Variants in DNAH6 observed in about 807,000 individuals in gnomAD.
DNAH6 encodes the protein axonemal beta dynein heavy chain 6.
A neutral mutation model predicts 491.4 loss-of-function variants in DNAH6; 340 were observed. The ratio of observed to expected loss-of-function variants is 0.69; its 90% confidence interval spans 0.63 to 0.76. DNAH6 has a LOEUF of 0.76. Ranked by LOEUF, DNAH6 falls within the 30% of genes least tolerant of loss-of-function variation. DNAH6 has a pLI of 0.00. For missense variants in DNAH6, 4,443 were observed against 4,972.2 expected (o/e 0.89, Z 3.20); for synonymous variants, 1,603 against 1,686.1 (o/e 0.95, Z 1.21).
chr2:84,613,593 T>C (rs1440759096), intron 22 of DNAH6, among the ~76,000 whole-genome samples: 1 of 152,060 alleles, frequency 6.6e-6, no homozygotes, highest in Non-Finnish European at 1.5e-5. Context: ...AGAAATAGTA[T>C]CCCATCACCA....
At chr2:84,509,030 A>T in the DNAH6 span, among the ~76,000 whole-genome samples, 1 of 152,130 alleles carries the variant, frequency 6.6e-6, no homozygotes, top group African/African-American at 2.4e-5. Context: ...GGCACTGAGA[A>T]GAATGTATAT....
Position 84,557,817 on chromosome 2 carries a change from C to G in DNAH6, c.1685C>G (p.Ala562Gly). 3 of 1,613,068 alleles carry G rather than the reference C, an allele frequency of 1.9e-6. No individual in the cohort carries two copies. The highest frequency in any genetic ancestry group is 2.5e-6 in the Non-Finnish European group (3 of 1,179,414). The change falls in exon 11 of 77, where the codon GCT becomes GGT. Residue 562 changes from alanine to glycine, a missense_variant. Transcript: ENST00000389394. ...PNLVPDSYFD[A>G]FTSPYINNKL... The stretch of plus-strand genomic sequence containing the variant: ...CTCGTGCCTGATTCGTATTTTGATG[C>G]TTTCACCAGCCCTTATATTAACAAC...
chr2:84,654,874 G>A, intron 35 of DNAH6, 92 bp downstream of exon 35: 2 of 1,382,978 alleles, frequency 1.4e-6, no homozygotes, highest in East Asian at 2.6e-5. Flanking sequence ...AGGACTCATG[G>A]TTCTTGATTG....
At chr2:84,740,579 G>T (rs1672429419) in intron 62 of DNAH6, among the ~76,000 whole-genome samples, 1 of 152,142 alleles carries the variant, frequency 6.6e-6, no homozygotes, top group African/African-American at 2.4e-5. Flanking sequence ...GGTCTTTGGT[G>T]GGCTGCACTC....
rs573478149 is a variant in DNAH6 at position 84,725,225 on chromosome 2, A to G, written c.9972+2421A>G. On this transcript the variant is annotated intron_variant, in intron 60 of 76. Transcript: ENST00000389394. ...TTCAGATAGTCAAACAATTCTTATGACAGCTTGATTTTTCCTCTAGAGGTC... is the reference window on the plus strand; with the variant it reads ...TTCAGATAGTCAAACAATTCTTATGGCAGCTTGATTTTTCCTCTAGAGGTC... 4.6e-5 allele frequency among the ~76,000 whole-genome samples: 7 copies of G among 152,322 alleles called. No individual in the cohort carries two copies. In the South Asian group the frequency reaches 1.5e-3, roughly 32 times the overall value.
intron 33 of DNAH6, among the ~76,000 whole-genome samples, chr2:84,651,357 C>T (rs1573363472): frequency 6.6e-6 from 1 of 152,144 alleles, no homozygotes; most frequent in Admixed American, 6.6e-5. Context: ...TCTCTGACAC[C>T]GTGGGAGAAT....
chr2:84,665,660 C>T (rs1406023584), intron 37 of DNAH6, among the ~76,000 whole-genome samples: 1 of 152,168 alleles, frequency 6.6e-6, no homozygotes, highest in East Asian at 1.9e-4. Flanking sequence ...CAGCTGAATT[C>T]TACCAGAGCT....
chr2:84,512,489 T>C (rs1205862275), upstream of DNAH6, among the ~76,000 whole-genome samples: 1 of 152,190 alleles, frequency 6.6e-6, no homozygotes, highest in East Asian at 1.9e-4. Flanking sequence ...TCACCTCTTA[T>C]TAGGCCCCAC....
intron 64 of DNAH6, chr2:84,778,146 A>G: frequency 1.3e-6 from 1 of 763,506 alleles, no homozygotes; most frequent in Non-Finnish European, 2.4e-6. Flanking sequence ...ACCAACCCCA[A>G]CAACTATAAT....
chr2:84,577,034 CAT>C (rs1414090187), intron 12 of DNAH6, among the ~76,000 whole-genome samples: 1 of 152,066 alleles, frequency 6.6e-6, no homozygotes, highest in Non-Finnish European at 1.5e-5. Flanking sequence ...AGCCAGAAGA[CAT>C]ATTTACATTA....
chr2:84,654,138 G>GGA (rs368820315), intron 34 of DNAH6, among the ~76,000 whole-genome samples: 50 of 151,084 alleles, frequency 3.3e-4, no homozygotes, highest in African/African-American at 9.7e-4. Context: ...GAAAGAAAGA[G>GGA]GAGAGAGAGA....
At chr2:84,716,150 C>CATATATATATGGGT (rs1046348127) in intron 58 of DNAH6, among the ~76,000 whole-genome samples, 3 of 148,764 alleles carry the variant, frequency 2.0e-5, no homozygotes. Context: ...CATATATATA[C>CATATATATATGGGT]ATATATATGG....
At chr2:84,506,322 G>T in the DNAH6 span, among the ~76,000 whole-genome samples, 9 of 152,096 alleles carry the variant, frequency 5.9e-5, no homozygotes, top group African/African-American at 1.7e-4. Context: ...GGCCAGTGAT[G>T]GTGAGCATTT....
intron 3 of DNAH6, among the ~76,000 whole-genome samples, chr2:84,526,389 G>T (rs771050123): frequency 6.6e-6 from 1 of 152,122 alleles, no homozygotes; most frequent in African/African-American, 2.4e-5. Flanking sequence ...TGCTAGACGT[G>T]CACAGTTGAG....
chr2:84,477,245 G>GC, the DNAH6 span, among the ~76,000 whole-genome samples: 1 of 152,210 alleles, frequency 6.6e-6, no homozygotes, highest in Admixed American at 6.5e-5. Flanking sequence ...ATCTACAGCT[G>GC]TGATGGTTTA....
At chr2:84,734,930 G>A (rs995622125) in intron 62 of DNAH6, among the ~76,000 whole-genome samples, 2 of 151,988 alleles carry the variant, frequency 1.3e-5, no homozygotes, top group African/African-American at 4.8e-5. Flanking sequence ...CAGGGAGTAC[G>A]TGTGCTGGTT....
chr2:84,756,314 G>A (rs984203408), intron 63 of DNAH6, among the ~76,000 whole-genome samples: 9 of 152,180 alleles, frequency 5.9e-5, no homozygotes, highest in African/African-American at 2.2e-4. Context: ...GATTTTTGCT[G>A]ATAATACTGC....
At chr2:84,462,549 G>GC in the DNAH6 span, among the ~76,000 whole-genome samples, 4 of 152,228 alleles carry the variant, frequency 2.6e-5, no homozygotes, top group Non-Finnish European at 5.9e-5. Context: ...TTAACAAGGG[G>GC]ACTGATGCTT....
chr2:84,664,662 C>A (rs1691894534), intron 37 of DNAH6, among the ~76,000 whole-genome samples: 1 of 152,134 alleles, frequency 6.6e-6, no homozygotes, highest in Non-Finnish European at 1.5e-5. Flanking sequence ...GATTTTAACA[C>A]CCCACTGTCA....
Sources: gnomAD v4.1 joint callset for allele counts (sites outside exome capture counted in the v4.1 genomes callset) on GRCh38, gnomAD v4.1.1 for gene constraint, MANE v1.5 for transcripts, NCBI Gene and HGNC (gene_info 2026-07-23, HGNC 2026-07-21) for gene names.